The following FAM241A variants were observed in gnomAD, a reference collection of about 807,000 sequenced individuals.
FAM241A encodes uncharacterized protein FAM241A.
In FAM241A, 7 loss-of-function variants were observed where a neutral mutation model predicts 12.2. The observed-to-expected ratio is 0.58, with a 90% confidence interval of 0.33 to 1.08. FAM241A has a LOEUF of 1.08. FAM241A is among the 50% of genes least tolerant of loss of function. The probability of loss-of-function intolerance (pLI) is 0.04; values close to 1 mark genes in which losing one functional copy is unlikely to be tolerated. For missense variants in FAM241A, 161 were observed against 169.7 expected, an observed-to-expected ratio of 0.95 and a Z score of 0.29; for synonymous variants, 74 against 68.2, an observed-to-expected ratio of 1.08 and a Z score of -0.42.
intron 1 of FAM241A, among the ~76,000 whole-genome samples, chr4:112,158,713 TG>T (rs760970616): frequency 1.7e-4 from 26 of 152,192 alleles, no homozygotes; most frequent in Admixed American, 5.2e-4. Flanking sequence ...TCATTGCTAT[TG>T]ATATATAATA....
intron 1 of FAM241A, among the ~76,000 whole-genome samples, chr4:112,151,380 C>A (rs1048634004): frequency 6.6e-6 from 1 of 152,152 alleles, no homozygotes. Flanking sequence ...GCCTGCAGAA[C>A]CATGAGCCAA....
intron 1 of FAM241A, chr4:112,171,652 G>C (rs944395110): frequency 1.4e-5 from 7 of 487,408 alleles, no homozygotes; most frequent in Middle Eastern, 6.0e-4. Flanking sequence ...GAGGTTAGGA[G>C]ATCGAGACTA....
At chr4:112,181,064 T>G (rs1020348977) in intron 1 of FAM241A, among the ~76,000 whole-genome samples, 5 of 152,142 alleles carry the variant, frequency 3.3e-5, no homozygotes, top group African/African-American at 4.8e-5. Context: ...TGTTCCAAAG[T>G]GGATCACATA....
At chr4:112,159,192 G>A (rs565350827) in intron 1 of FAM241A, among the ~76,000 whole-genome samples, 6 of 152,068 alleles carry the variant, frequency 3.9e-5, no homozygotes, top group African/African-American at 9.7e-5. Context: ...TGTGCCCCTC[G>A]GTTTGCTTTG....
At chr4:112,161,495 G>A (rs577018778) in intron 1 of FAM241A, among the ~76,000 whole-genome samples, 8 of 152,048 alleles carry the variant, frequency 5.3e-5, no homozygotes, top group East Asian at 3.9e-4. Flanking sequence ...CCAATCCCAC[G>A]GAAATACAAA....
chr4:112,180,030 A>C (rs374304442), intron 1 of FAM241A, among the ~76,000 whole-genome samples: 2 of 140,168 alleles, frequency 1.4e-5, no homozygotes, highest in Non-Finnish European at 3.1e-5. Flanking sequence ...TAAAAAAAAA[A>C]CAGTCATATC....
chr4:112,146,326 A>T (rs10027758), intron 1 of FAM241A, among the ~76,000 whole-genome samples: 51,088 of 152,060 alleles, frequency 0.34, 8,702 homozygotes, highest in East Asian at 0.53. Context: ...CTTCAGTTAA[A>T]AAGTGGAGAG....
chr4:112,145,793 G>A, intron 1 of FAM241A, 60 bp downstream of exon 1: 1 of 1,070,056 alleles, frequency 9.3e-7, no homozygotes, highest in Non-Finnish European at 1.1e-6. Context: ...GCCCCGCCCG[G>A]CGTTGGAGGG....
intron 1 of FAM241A, among the ~76,000 whole-genome samples, chr4:112,176,959 A>G (rs1027109375): frequency 2.0e-5 from 3 of 152,190 alleles, no homozygotes; most frequent in African/African-American, 4.8e-5. Flanking sequence ...ACTGGTTTAT[A>G]TGTGAAGTCT....
rs1724176908 is a variant in FAM241A, at chr4:112,192,026, T to G, written c.*5088T>G. On this transcript the variant is annotated 3_prime_UTR_variant, in exon 2 of 2. Coordinates refer to ENST00000309733, the MANE Select transcript of FAM241A (RefSeq NM_152400.3). ...CTAACAAAAAAGATCTAGAGCTGGT[T>G]GTACTTTGAAGTTCTTTGACTCCAA... 1 of 152,174 alleles carries G rather than the reference T, an allele frequency of 6.6e-6. No homozygotes were observed. Among genetic ancestry groups the G allele is most frequent in the South Asian group, 2.1e-4 (1 of 4,836 alleles). The allele number at this position is 152,174 out of a possible 1,614,324, so 9.4% of individuals were successfully genotyped here.
In FAM241A at chr4:112,189,700, G is replaced by A. The variant is rs1012898854; in HGVS notation, c.*2762G>A. 10 of 152,182 alleles carry A rather than the reference G, an allele frequency of 6.6e-5. No individual in the cohort carries two copies. Among genetic ancestry groups the A allele is most frequent in the Admixed American group, 5.2e-4 (8 of 15,282 alleles). The allele number at this position is 152,182 out of a possible 1,614,324, so 9.4% of individuals were successfully genotyped here. A position where few individuals can be genotyped will look rare whatever the true frequency, so the allele number is the denominator to read the frequency against. On this transcript the variant is annotated 3_prime_UTR_variant, in exon 2 of 2. Transcript: ENST00000309733. ...CTACAGGCAGATCATTCCTAGTCCA[G>A]TAGTGTGCTGGAGCAAGCTTGCACT...
At chr4:112,171,468 A>G (rs1028189406) in intron 1 of FAM241A, 19 of 778,574 alleles carry the variant, frequency 2.4e-5, no homozygotes, top group Non-Finnish European at 4.2e-5. Flanking sequence ...GGCTATTAAA[A>G]GATGCAAGCA....
intron 1 of FAM241A, among the ~76,000 whole-genome samples, chr4:112,181,398 A>G (rs1482694270): frequency 1.3e-5 from 2 of 151,948 alleles, no homozygotes. Context: ...ATACATGATA[A>G]TTTCTTCCTG....
intron 1 of FAM241A, among the ~76,000 whole-genome samples, chr4:112,161,267 C>A (rs552513117): frequency 3.9e-5 from 6 of 152,158 alleles, no homozygotes; most frequent in African/African-American, 1.4e-4. Flanking sequence ...GAAGCAAGAG[C>A]AAACATATTC....
chr4:112,180,343 G>C (rs926961233), intron 1 of FAM241A, among the ~76,000 whole-genome samples: 1 of 152,052 alleles, frequency 6.6e-6, no homozygotes, highest in Non-Finnish European at 1.5e-5. Context: ...TGTGCCTCCT[G>C]TATCTAAAAT....
rs1443489557 is a variant in FAM241A, at chr4:112,192,554, T to A, written c.*5616T>A. 2 of 145,552 alleles carry A rather than the reference T, an allele frequency of 1.4e-5. No individual in the cohort carries two copies. The highest frequency in any genetic ancestry group is 2.1e-4 in the East Asian group (1 of 4,782). 9.0% of individuals were successfully genotyped at this position (145,552 alleles called of 1,614,324 possible). Reference sequence around the variant, plus strand: ...ATGTTCCCCTTCCTGTGTCCATGTGTTCTCATTGTTCAATTCCCATCTATG... The same window carrying A: ...ATGTTCCCCTTCCTGTGTCCATGTGATCTCATTGTTCAATTCCCATCTATG... On this transcript the variant is annotated 3_prime_UTR_variant, in exon 2 of 2. Coordinates refer to ENST00000309733, the MANE Select transcript of FAM241A (RefSeq NM_152400.3).
In FAM241A at chr4:112,194,381, C is replaced by G. The variant is rs549728991; in HGVS notation, c.*7443C>G. ...ATTGCCCTGGCCAGAACTTCCAACA[C>G]TATGTTGAATAGGAGTGGTGAGAGA... On this transcript the variant is annotated 3_prime_UTR_variant, in exon 2 of 2. Coordinates refer to ENST00000309733, the MANE Select transcript of FAM241A (RefSeq NM_152400.3). The G allele has an allele frequency of 6.6e-6, 1 of 151,956 alleles. No individual in the cohort carries two copies. Among genetic ancestry groups the G allele is most frequent in the East Asian group, 1.9e-4 (1 of 5,158 alleles). 9.4% of individuals were successfully genotyped at this position (151,956 alleles called of 1,614,324 possible). A position where few individuals can be genotyped will look rare whatever the true frequency, so the allele number is the denominator to read the frequency against.
chr4:112,148,619 C>G (rs1234319655), intron 1 of FAM241A, among the ~76,000 whole-genome samples: 4 of 152,124 alleles, frequency 2.6e-5, no homozygotes, highest in Non-Finnish European at 2.9e-5. Flanking sequence ...GAAATAGGAT[C>G]AGGTGTCTAA....
chr4:112,183,728 T>A (rs1723988541), intron 1 of FAM241A, among the ~76,000 whole-genome samples: 1 of 149,094 alleles, frequency 6.7e-6, no homozygotes. Context: ...TAATAAAAAA[T>A]GAAGAAAAAA....
Sources: gnomAD v4.1 joint callset for allele counts (sites outside exome capture counted in the v4.1 genomes callset) on GRCh38, gnomAD v4.1.1 for gene constraint, MANE v1.5 for transcripts, NCBI Gene and HGNC (gene_info 2026-07-23, HGNC 2026-07-21) for gene names.